The following KRT74 variants were observed in gnomAD, a reference collection of about 807,000 sequenced individuals.
KRT74 encodes keratin, type II cytoskeletal 74.
In KRT74, 43 loss-of-function variants were observed where a neutral mutation model predicts 42.7. That is an observed-to-expected ratio of 1.01 (90% CI 0.79 to 1.30). The LOEUF is 1.30. Among genes scored for constraint, KRT74 ranks in the 50% most tolerant of loss-of-function variants. The probability of loss-of-function intolerance (pLI) is 0.00; values close to 1 mark genes in which losing one functional copy is unlikely to be tolerated. For missense variants in KRT74, 736 were observed against 689.1 expected, an observed-to-expected ratio of 1.07 and a Z score of -0.76; for synonymous variants, 302 against 279.0, an observed-to-expected ratio of 1.08 and a Z score of -0.82.
At chr12:52,567,228 A>ACCATAGCTGTTATC in intron 8 of KRT74, 60 bp from the exon 9 acceptor site, 1 of 1,392,254 alleles carries the variant, frequency 7.2e-7, no homozygotes, top group Non-Finnish European at 9.7e-7. Context: ...GATAACAGCT[A>ACCATAGCTGTTATC]TGGTAACGGC....
chr12:52,568,268 G>A lies in KRT74; in HGVS notation c.1256C>T (p.Ala419Val), dbSNP rs577465866. 37 of 1,614,134 alleles carry A rather than the reference G, an allele frequency of 2.3e-5. No homozygotes were observed. Among genetic ancestry groups the A allele is most frequent in the Admixed American group, 5.0e-5 (3 of 60,030 alleles). ...CTCCTGGTACTCGCGCAGCATCCGC[G>A]CCAGCTCCTCCTTGGCCTGGTGCAG... The part of the protein sequence containing the change: ...GALHQAKEEL[A>V]RMLREYQELM... The change falls in exon 7 of 9, where the codon GCG becomes GTG. Residue 419 changes from alanine (A) to valine (V), a missense_variant. By Grantham distance (64) the Ala-to-Val change is moderately conservative (BLOSUM62 0). Coordinates refer to ENST00000305620, the MANE Select transcript of KRT74 (RefSeq NM_175053.4).
intron 2 of KRT74, 79 bp downstream of exon 2, chr12:52,572,372 TAA>T: frequency 6.7e-7 from 1 of 1,485,240 alleles, no homozygotes; most frequent in Non-Finnish European, 9.4e-7. Context: ...CCCCATCTCC[TAA>T]AAAATAATGG....
Position 52,572,008 on chromosome 12 carries a change from C to T in KRT74, c.687-4G>A. 2 of 1,588,196 alleles carry T rather than the reference C, an allele frequency of 1.3e-6. No homozygotes were observed. Among genetic ancestry groups the T allele is most frequent in the Non-Finnish European group, 1.7e-6 (2 of 1,156,740 alleles). On this transcript the variant is annotated splice_region_variant and splice_polypyrimidine_tract_variant and intron_variant, in intron 2 of 8. Transcript: ENST00000305620. ...CCGGTTAATCTCCACTTCATATCTG[C>T]CAGCAGGGAGAGTAGATGGCCTTAG...
intron 6 of KRT74, chr12:52,569,605 C>T: frequency 1.7e-6 from 1 of 602,278 alleles, no homozygotes; most frequent in Non-Finnish European, 3.0e-6. Flanking sequence ...AAGTCCCTTC[C>T]CCTTCCCAGC....
intron 8 of KRT74, 149 bp downstream of exon 8, chr12:52,567,510 A>G: frequency 1.4e-6 from 1 of 727,200 alleles, no homozygotes; most frequent in South Asian, 1.5e-5. Flanking sequence ...CACAGGATGA[A>G]AAGGGAGAAC....
rs957199996 is a variant in KRT74 at position 52,568,289 on chromosome 12, T to C, written c.1235A>G (p.His412Arg). 1.1e-5 allele frequency: 17 copies of C among 1,614,178 alleles called. No individual in the cohort carries two copies. The highest frequency in any genetic ancestry group is 1.4e-5 in the Non-Finnish European group (17 of 1,180,042). The change falls in exon 7 of 9, where the codon CAC (histidine) becomes CGC (arginine). Residue 412 changes from histidine (H) to arginine (R), a missense_variant. Physicochemically the swap from His to Arg is conservative, Grantham distance 29 (BLOSUM62 0). Transcript: ENST00000305620. ...CCGCGCCAGCTCCTCCTTGGCCTGG[T>C]GCAGGGCGCCCTCCAGCTCATCCAG... The part of the protein sequence containing the change: ...AKLDELEGAL[H>R]QAKEELARML...
chr12:52,572,663 C>G lies in KRT74; in HGVS notation c.476G>C (p.Arg159Pro). The change falls in exon 2 of 9, where the codon CGC (arginine) becomes CCC (proline). Residue 159 changes from arginine to proline, a missense_variant. Arg to Pro is a moderately radical substitution (Grantham distance 103, BLOSUM62 -2). Coordinates refer to ENST00000305620, the MANE Select transcript of KRT74 (RefSeq NM_175053.4). Reference protein sequence around the residue: ...DKFASFIDKVRFLEQQNQVLE... With the variant: ...DKFASFIDKVPFLEQQNQVLE... ...AACCTGGTTCTGCTGCTCTAGGAAG[C>G]GTACCTGGAACCCAAATCAACAGAC... 6.2e-7 allele frequency: 1 copy of G among 1,614,098 alleles called. No individual in the cohort carries two copies. The highest frequency in any genetic ancestry group is 8.5e-7 in the Non-Finnish European group (1 of 1,179,970).
rs141269559 is a variant in KRT74, at chr12:52,573,584, C to A, written c.194G>T (p.Gly65Val). 3.1e-6 allele frequency: 5 copies of A among 1,614,070 alleles called. No homozygotes were observed. The highest frequency in any genetic ancestry group is 3.4e-6 in the Non-Finnish European group (4 of 1,180,042). ...GNRRISFNVA[G>V]GGVRAGGYGF... ...GTAACCTCCAGCCCGAACGCCGCCA[C>A]CAGCCACATTGAAAGAAATACGCCG... Residue 65 changes from glycine to valine, a missense_variant, in exon 1 of 9, where the codon GGT (glycine) becomes GTT (valine). By Grantham distance (109) the Gly-to-Val change is moderately radical. Coordinates refer to ENST00000305620, the MANE Select transcript of KRT74 (RefSeq NM_175053.4).
intron 5 of KRT74, 40 bp downstream of exon 5, chr12:52,570,629 G>A (rs1407607843): frequency 6.2e-7 from 1 of 1,611,644 alleles, no homozygotes. Flanking sequence ...CTCCCAGGAA[G>A]CGAAGGGCTG....
rs540528873 is a variant in KRT74, at chr12:52,570,311, G to C, written c.1009-327C>G. Among the ~76,000 whole-genome samples, 8 of 152,252 alleles carry C rather than the reference G, an allele frequency of 5.3e-5. No individual in the cohort carries two copies. In the South Asian group the frequency reaches 1.2e-3, roughly 24 times the overall value. On this transcript the variant is annotated intron_variant, in intron 5 of 8. Transcript: ENST00000305620. ...TCGCCCCCCACCAAATTCACCCATG[G>C]CTACACTCCCGCAAGTCTGTGATTC...
In KRT74 at chr12:52,570,703, C is replaced by T. The variant is rs763883618; in HGVS notation, c.974G>A (p.Ser325Asn). ...GTACAGGGCCTCGGCCTCGGCCTTG[C>T]TCTTCAGGGCGATCTCCTCATAATG... ...RMHYEEIALKSKAEAEALYQT... is the reference protein window; with the variant it reads ...RMHYEEIALKNKAEAEALYQT... Residue 325 changes from serine (S) to asparagine (N), a missense_variant, in exon 5 of 9, where the codon AGC becomes AAC. Coordinates refer to ENST00000305620, the MANE Select transcript of KRT74 (RefSeq NM_175053.4). The T allele has an allele frequency of 1.9e-6, 3 of 1,614,116 alleles. No homozygotes were observed. The South Asian group carries it at 3.3e-5, about 18-fold the overall frequency.
chr12:52,570,967 C>T (rs117288915), intron 4 of KRT74, 134 bp from the exon 5 acceptor site: 28 of 1,018,240 alleles, frequency 2.7e-5, no homozygotes, highest in Non-Finnish European at 4.2e-5. Context: ...GAAGAAGTGC[C>T]CTCTGGGATG....
At chr12:52,570,965 G>A (rs1476217486) in intron 4 of KRT74, 132 bp from the exon 5 acceptor site, 1 of 1,037,974 alleles carries the variant, frequency 9.6e-7, no homozygotes, top group East Asian at 2.6e-5. Flanking sequence ...GGGAAGAAGT[G>A]CCCTCTGGGA....
At chr12:52,570,646 G>T (rs1320996775) in intron 5 of KRT74, 23 bp downstream of exon 5, 2 of 1,614,000 alleles carry the variant, frequency 1.2e-6, no homozygotes, top group South Asian at 1.1e-5. Context: ...GCTGCTGTGG[G>T]AGGAGACCCA....
rs1939520852 is a variant in KRT74 at position 52,573,303 on chromosome 12, C to G, written c.471+4G>C. ...CGGCCTCATCCTCCTCCTATGAGACCCACCTTGTCAATGAAGGAGGCGAAC... is the reference window on the plus strand; with the variant it reads ...CGGCCTCATCCTCCTCCTATGAGACGCACCTTGTCAATGAAGGAGGCGAAC... On this transcript the variant is annotated splice_donor_region_variant and intron_variant, in intron 1 of 8. Coordinates refer to ENST00000305620, the MANE Select transcript of KRT74 (RefSeq NM_175053.4). The G allele has an allele frequency of 1.2e-6, 2 of 1,613,776 alleles. No homozygotes were observed. Among genetic ancestry groups the G allele is most frequent in the East Asian group, 4.5e-5 (2 of 44,882 alleles).
At position 52,571,373 on chromosome 12, in the gene KRT74, A is replaced by T; in HGVS notation, c.829T>A (p.Cys277Ser). 2.5e-6 allele frequency: 4 copies of T among 1,609,378 alleles called. No homozygotes were observed. The highest frequency in any genetic ancestry group is 3.4e-6 in the Non-Finnish European group (4 of 1,175,756). ...AGTGTCCTTACTGCATCATACAGAC[A>T]CTTGAGGAACTTGATTTCTTTGTCC... ...SLDKEIKFLK[C>S]LYDAEIAQIQ... is the part of the protein sequence containing the mutation. The change falls in exon 4 of 9, where the codon TGT (cysteine) becomes AGT (serine). Residue 277 changes from cysteine to serine, a missense_variant. Cys to Ser is a moderately radical substitution (Grantham distance 112). Coordinates refer to ENST00000305620, the MANE Select transcript of KRT74 (RefSeq NM_175053.4).
At chr12:52,568,649 C>T (rs914070599) in intron 6 of KRT74, 4 of 555,506 alleles carry the variant, frequency 7.2e-6, no homozygotes, top group Non-Finnish European at 1.3e-5. Context: ...TTAGATAGTG[C>T]CTGAGACCGG....
rs1246918250 is a variant in KRT74, at chr12:52,571,962, C to T, written c.729G>A (p.Glu243=). 2 of 1,594,172 alleles carry T rather than the reference C, an allele frequency of 1.3e-6. No homozygotes were observed. The highest frequency in any genetic ancestry group is 2.2e-5 in the East Asian group (1 of 44,774). Residue 243 remains glutamate, a synonymous_variant, in exon 3 of 9, where the codon GAG becomes GAA. Transcript: ENST00000305620. ...EINRRTTAEN[E]FVVLKKDADA... is the part of the protein sequence containing the mutation. ...CTCTTACCTTCTTAAGCACCACAAA[C>T]TCATTCTCTGCTGTCGTGCGCCGGT...
At chr12:52,568,029 G>A (rs1379199671) in intron 7 of KRT74, 140 bp downstream of exon 7, 1 of 1,000,038 alleles carries the variant, frequency 1.0e-6, no homozygotes, top group African/African-American at 1.6e-5. Flanking sequence ...ACCCCTTGCA[G>A]GAAGCTGCCT....
Sources: gnomAD v4.1 joint callset for allele counts (sites outside exome capture counted in the v4.1 genomes callset) on GRCh38, gnomAD v4.1.1 for gene constraint, MANE v1.5 for transcripts, NCBI Gene and HGNC (gene_info 2026-07-23, HGNC 2026-07-21) for gene names.